NT5DC1: variants seen among roughly 807,000 people sequenced by gnomAD.
The protein encoded by NT5DC1 is 5'-nucleotidase domain-containing protein 1.
In NT5DC1, 42 loss-of-function variants were observed where a neutral mutation model predicts 59.4. The observed-to-expected ratio is 0.71, with a 90% CI of 0.55 to 0.92. NT5DC1 has a LOEUF of 0.92. NT5DC1 is among the 40% of genes least tolerant of loss of function. The pLI, the probability that NT5DC1 is intolerant of heterozygous loss-of-function variation, is 0.00. For missense variants in NT5DC1, 501 were observed against 537.1 expected (o/e 0.93, Z 0.66); for synonymous variants, 172 against 188.1 (o/e 0.91, Z 0.70).
chr6:116,135,829 T>A (rs1779576434), intron 6 of NT5DC1, among the ~76,000 whole-genome samples: 1 of 108,456 alleles, frequency 9.2e-6, no homozygotes, highest in African/African-American at 3.4e-5. Context: ...TACAATATAT[T>A]TTCAGATATA....
chr6:116,144,274 G>T (rs1041383764), intron 6 of NT5DC1, among the ~76,000 whole-genome samples: 1 of 152,094 alleles, frequency 6.6e-6, no homozygotes, highest in Non-Finnish European at 1.5e-5. Context: ...AGGCCGAGGC[G>T]GGCGGATCAT....
At position 116,232,759 on chromosome 6, in the gene NT5DC1, A is replaced by C. The variant is rs1334798475; in HGVS notation, c.803-4207A>C. 2.0e-5 allele frequency among the ~76,000 whole-genome samples: 3 copies of C among 152,170 alleles called. No homozygotes were observed. In the East Asian group the frequency reaches 5.8e-4, roughly 29 times the overall value. On this transcript the variant is annotated intron_variant, in intron 8 of 11. Transcript: ENST00000319550. ...TCTACTTTGTAACTATTATACTGTCAAAAACTTTACTGTTTTTTAAACTCG... is the reference window on the plus strand; with the variant it reads ...TCTACTTTGTAACTATTATACTGTCCAAAACTTTACTGTTTTTTAAACTCG...
intron 6 of NT5DC1, among the ~76,000 whole-genome samples, chr6:116,143,542 G>T (rs1779817897): frequency 6.6e-6 from 1 of 151,956 alleles, no homozygotes; most frequent in Non-Finnish European, 1.5e-5. Context: ...TTTTGTTCAG[G>T]TTGAATTTGT....
At chr6:116,128,219 C>G (rs1158881084) in intron 6 of NT5DC1, among the ~76,000 whole-genome samples, 1 of 152,112 alleles carries the variant, frequency 6.6e-6, no homozygotes, top group Non-Finnish European at 1.5e-5. Context: ...ACATTCAACC[C>G]TTTTTGCAAA....
intron 6 of NT5DC1, among the ~76,000 whole-genome samples, chr6:116,183,218 G>C (rs1368594862): frequency 6.6e-6 from 1 of 152,040 alleles, no homozygotes; most frequent in Non-Finnish European, 1.5e-5. Flanking sequence ...TCTCTATTCT[G>C]TTCCATTGGT....
chr6:116,113,702 G>C (rs1778919186), intron 4 of NT5DC1, among the ~76,000 whole-genome samples: 1 of 152,118 alleles, frequency 6.6e-6, no homozygotes, highest in African/African-American at 2.4e-5. Context: ...TTCTCATTAG[G>C]TTCCCCCTGA....
chr6:116,219,376 T>A (rs1358398303), intron 6 of NT5DC1, among the ~76,000 whole-genome samples: 1 of 152,138 alleles, frequency 6.6e-6, no homozygotes, highest in African/African-American at 2.4e-5. Flanking sequence ...GTGGTATACA[T>A]TACTTCAGGA....
rs138141648 is a variant in NT5DC1 at position 116,120,870 on chromosome 6, C to T, written c.529+2925C>T. The T allele has an allele frequency of 1.2e-6, 2 of 1,613,998 alleles. No individual in the cohort carries two copies. The highest frequency in any genetic ancestry group is 1.7e-6 in the Non-Finnish European group (2 of 1,179,928). On this transcript the variant is annotated intron_variant, in intron 6 of 11. Transcript: ENST00000319550. ...ACAGGGCCTGGGAGACCAGGAGGTCCTCCAACTCCAGGATCACCTTTTGGA... is the reference window on the plus strand; with the variant it reads ...ACAGGGCCTGGGAGACCAGGAGGTCTTCCAACTCCAGGATCACCTTTTGGA...
intron 6 of NT5DC1, among the ~76,000 whole-genome samples, chr6:116,142,883 T>A (rs1469792451): frequency 6.6e-6 from 1 of 152,204 alleles, no homozygotes; most frequent in Non-Finnish European, 1.5e-5. Context: ...TTCACATATA[T>A]GTCAGTCTGA....
chr6:116,239,059 A>G lies in NT5DC1; in HGVS notation c.1188A>G (p.Thr396=), dbSNP rs554498571. 2 of 1,611,980 alleles carry G rather than the reference A, an allele frequency of 1.2e-6. No individual in the cohort carries two copies. Among genetic ancestry groups the G allele is most frequent in the Non-Finnish European group, 8.5e-7 (1 of 1,178,254 alleles). Residue 396 remains threonine (T), a synonymous_variant, in exon 11 of 12, where the codon ACA becomes ACG. Transcript: ENST00000319550. The stretch of plus-strand genomic sequence containing the variant: ...ATACAGAAGACTCCTTGGTTTATAC[A>G]TGGTCTTGTAAGAGAATCAGTACTT... The part of the protein sequence containing the change: ...LENTEDSLVY[T]WSCKRISTYS...
At chr6:116,152,605 C>G (rs1240880540) in intron 6 of NT5DC1, among the ~76,000 whole-genome samples, 1 of 152,124 alleles carries the variant, frequency 6.6e-6, no homozygotes, top group African/African-American at 2.4e-5. Context: ...TTTACCAGGT[C>G]TTTATTTAAC....
chr6:116,141,906 A>ACACACACT (rs1211163665), intron 6 of NT5DC1, among the ~76,000 whole-genome samples: 3 of 151,368 alleles, frequency 2.0e-5, no homozygotes, highest in African/African-American at 7.3e-5. Context: ...ACACACACAC[A>ACACACACT]CACACACACA....
At chr6:116,237,833 A>G (rs543193477) in intron 9 of NT5DC1, among the ~76,000 whole-genome samples, 2 of 152,344 alleles carry the variant, frequency 1.3e-5, no homozygotes, top group South Asian at 4.1e-4. Context: ...GTTGTCTCTA[A>G]TACCTCACCA....
At chr6:116,132,624 C>G (rs1359148253) in intron 6 of NT5DC1, among the ~76,000 whole-genome samples, 1 of 152,136 alleles carries the variant, frequency 6.6e-6, no homozygotes, top group Non-Finnish European at 1.5e-5. Flanking sequence ...TTATTATGCA[C>G]ATCCCCTGGC....
At chr6:116,220,122 C>CTTTTTTTT (rs60827021) in intron 6 of NT5DC1, among the ~76,000 whole-genome samples, 311 of 98,608 alleles carry the variant, frequency 3.2e-3, no homozygotes, top group East Asian at 6.6e-3. Context: ...GCTGTTTAAC[C>CTTTTTTTT]TTTTTTTTTT....
rs186674607 is a variant in NT5DC1 at position 116,165,425 on chromosome 6, G to A, written c.529+47480G>A. Among the ~76,000 whole-genome samples, 230 of 152,254 alleles carry A rather than the reference G, an allele frequency of 1.5e-3. 1 individual carries two copies. The highest frequency in any genetic ancestry group is 0.014 in the Middle Eastern group (4 of 294). Reference sequence around the variant, plus strand: ...TTTCCTGAATTCTTTCTACCAATATGTTTTCCAAATTGCTTACTTTTTCTT... The same window carrying A: ...TTTCCTGAATTCTTTCTACCAATATATTTTCCAAATTGCTTACTTTTTCTT... On this transcript the variant is annotated intron_variant, in intron 6 of 11. Coordinates refer to ENST00000319550, the MANE Select transcript of NT5DC1 (RefSeq NM_152729.3).
At chr6:116,236,821 A>G in intron 8 of NT5DC1, 145 bp from the exon 9 acceptor site, 1 of 605,556 alleles carries the variant, frequency 1.7e-6, no homozygotes, top group Non-Finnish European at 3.0e-6. Flanking sequence ...GGGCCTTATA[A>G]TATGTAGGTA....
At chr6:116,195,448 G>C (rs973401374) in intron 6 of NT5DC1, among the ~76,000 whole-genome samples, 1 of 151,724 alleles carries the variant, frequency 6.6e-6, no homozygotes, top group African/African-American at 2.4e-5. Flanking sequence ...TACCAGATTA[G>C]GTTGGTCATG....
intron 6 of NT5DC1, among the ~76,000 whole-genome samples, chr6:116,209,470 T>G (rs1582874672): frequency 6.6e-6 from 1 of 151,884 alleles, no homozygotes; most frequent in Non-Finnish European, 1.5e-5. Flanking sequence ...GATCTCAGAG[T>G]CTCAGAAGAA....
Sources: gnomAD v4.1 joint callset for allele counts (sites outside exome capture counted in the v4.1 genomes callset) on GRCh38, gnomAD v4.1.1 for gene constraint, MANE v1.5 for transcripts, NCBI Gene and HGNC (gene_info 2026-07-23, HGNC 2026-07-21) for gene names.